PDE4D: variants seen among roughly 807,000 people sequenced by gnomAD.
PDE4D encodes the protein 3',5'-cyclic-AMP phosphodiesterase 4D.
In PDE4D, 24 loss-of-function variants were observed where a neutral mutation model predicts 87.4. The ratio of observed to expected loss-of-function variants is 0.27; its 90% CI spans 0.20 to 0.39. PDE4D has a LOEUF of 0.39. Ranked by LOEUF, PDE4D falls within the 10% of genes least tolerant of loss-of-function variation. The pLI is 1.00. For missense variants in PDE4D, 714 were observed against 1,041.0 expected (o/e 0.69, Z 4.32); for synonymous variants, 384 against 383.2 (o/e 1.00, Z -0.02).
Position 59,636,780 on chromosome 5 carries a change from A to C in PDE4D, c.455+256388T>G, listed in dbSNP as rs552477485. ...AAGATGGATTAAAGACTTAAACTTA[A>C]GACCTAAAACCATAAAAACCCTAGA... On this transcript the variant is annotated intron_variant, in intron 1 of 14. Transcript: ENST00000340635. 2.0e-4 allele frequency among the ~76,000 whole-genome samples: 30 copies of C among 152,372 alleles called. 1 individual carries two copies. In the South Asian group the frequency reaches 4.8e-3, roughly 24 times the overall value.
At chr5:59,633,073 G>A (rs180721802) in intron 1 of PDE4D, among the ~76,000 whole-genome samples, 77 of 152,230 alleles carry the variant, frequency 5.1e-4, no homozygotes, top group Non-Finnish European at 9.9e-4. Flanking sequence ...AACACAGCAC[G>A]AGAACATCGT....
intron 1 of PDE4D, among the ~76,000 whole-genome samples, chr5:59,579,973 T>C (rs946821865): frequency 6.6e-6 from 1 of 152,174 alleles, no homozygotes; most frequent in African/African-American, 2.4e-5. Flanking sequence ...TAAGTATAGG[T>C]CATTGTTCTA....
chr5:58,999,696 G>A lies in PDE4D; in HGVS notation c.922-6231C>T, dbSNP rs1334838636. On this transcript the variant is annotated intron_variant, in intron 6 of 14. Coordinates refer to ENST00000340635, the MANE Select transcript of PDE4D (RefSeq NM_001104631.2). The stretch of plus-strand genomic sequence containing the variant: ...AATTAAGTATACATAAGAAAGCCTC[G>A]CATTAAATCCCATCCAGCCGTCTTC... 4.6e-6 allele frequency: 5 copies of A among 1,086,286 alleles called. No individual in the cohort carries two copies. In the African/African-American group the frequency reaches 5.0e-5, roughly 11 times the overall value. The allele number at this position is 1,086,286 out of a possible 1,614,324, so 67.3% of individuals were successfully genotyped here. A position where few individuals can be genotyped will look rare whatever the true frequency, so the allele number is the denominator to read the frequency against.
chr5:59,185,162 A>C (rs1217671707), intron 4 of PDE4D, 27 bp downstream of exon 4: 2 of 1,578,616 alleles, frequency 1.3e-6, no homozygotes, highest in Non-Finnish European at 8.7e-7. Context: ...TTCAGCAAAA[A>C]AGAGGGGGGA....
At chr5:59,454,953 G>A (rs1011042347) in intron 1 of PDE4D, among the ~76,000 whole-genome samples, 156 of 152,300 alleles carry the variant, frequency 1.0e-3, no homozygotes, top group African/African-American at 3.7e-3. Context: ...AGGGTATTTG[G>A]TGGAAGAAAT....
chr5:60,382,364 G>T (rs1438742653), intron 1 of PDE4D, among the ~76,000 whole-genome samples: 2 of 152,060 alleles, frequency 1.3e-5, no homozygotes, highest in African/African-American at 2.4e-5. Flanking sequence ...TAACAATAAA[G>T]TCAGTCAAGG....
Position 59,561,280 on chromosome 5 carries a change from C to T in PDE4D, c.455+331888G>A, listed in dbSNP as rs140094333. 2.4e-3 allele frequency among the ~76,000 whole-genome samples: 368 copies of T among 152,180 alleles called. 5 individuals carry two copies. The highest frequency in any genetic ancestry group is 8.5e-3 in the African/African-American group (354 of 41,518). ...TTCTCAGATCCACAGTGGGGTCGTC[C>T]GTTATTGGAGTATTATTTTGCCTAC... is the stretch of plus-strand genomic sequence containing the variant. On this transcript the variant is annotated intron_variant, in intron 1 of 14. Coordinates refer to ENST00000340635, the MANE Select transcript of PDE4D (RefSeq NM_001104631.2).
chr5:59,646,796 G>A (rs1332248871), intron 1 of PDE4D, among the ~76,000 whole-genome samples: 1 of 152,146 alleles, frequency 6.6e-6, no homozygotes, highest in Non-Finnish European at 1.5e-5. Context: ...AGCACTTTGG[G>A]AGGCCAAGGC....
chr5:59,372,028 A>G (rs1378580552), intron 1 of PDE4D, among the ~76,000 whole-genome samples: 1 of 152,240 alleles, frequency 6.6e-6, no homozygotes, highest in Non-Finnish European at 1.5e-5. Context: ...CTTAGAAGAC[A>G]GACTCCAGGG....
intron 1 of PDE4D, among the ~76,000 whole-genome samples, chr5:59,352,441 A>G (rs1323439351): frequency 4.6e-5 from 7 of 152,166 alleles, no homozygotes; most frequent in Admixed American, 4.6e-4. Context: ...ATCCCAGTGT[A>G]TTGATTCACT....
intron 1 of PDE4D, among the ~76,000 whole-genome samples, chr5:59,424,647 C>T (rs1414716266): frequency 2.0e-5 from 3 of 152,118 alleles, no homozygotes; most frequent in African/African-American, 7.2e-5. Context: ...CTCACTATCA[C>T]GAGAGCAGCA....
chr5:60,135,012 C>T (rs1196992742), intron 2 of PDE4D, among the ~76,000 whole-genome samples: 1 of 152,188 alleles, frequency 6.6e-6, no homozygotes, highest in African/African-American at 2.4e-5. Context: ...TGACGAAACT[C>T]TTAACCACTG....
At chr5:59,276,788 T>G (rs966632426) in intron 1 of PDE4D, among the ~76,000 whole-genome samples, 1 of 152,084 alleles carries the variant, frequency 6.6e-6, no homozygotes. Context: ...CAGTAAGGAA[T>G]GAAGCTTTAT....
chr5:59,683,912 T>C (rs1490273758), intron 1 of PDE4D, among the ~76,000 whole-genome samples: 1 of 152,200 alleles, frequency 6.6e-6, no homozygotes. Flanking sequence ...CTGAATTGGA[T>C]TGGGCTCATA....
At chr5:59,604,916 C>T (rs1176731204) in intron 1 of PDE4D, among the ~76,000 whole-genome samples, 1 of 151,894 alleles carries the variant, frequency 6.6e-6, no homozygotes, top group Non-Finnish European at 1.5e-5. Flanking sequence ...AGAGTTTATC[C>T]TACAAAAATG....
At chr5:59,335,799 G>C (rs1777552888) in intron 1 of PDE4D, among the ~76,000 whole-genome samples, 1 of 152,056 alleles carries the variant, frequency 6.6e-6, no homozygotes, top group African/African-American at 2.4e-5. Flanking sequence ...AACAATCAGG[G>C]GCATTGTTCA....
intron 3 of PDE4D, among the ~76,000 whole-genome samples, chr5:59,916,421 C>CA (rs1172822894): frequency 6.6e-6 from 1 of 151,614 alleles, no homozygotes; most frequent in Non-Finnish European, 1.5e-5. Context: ...TCATGCAAAA[C>CA]AAAAAAAAGT....
At chr5:60,379,101 G>T (rs1342564150) in intron 1 of PDE4D, among the ~76,000 whole-genome samples, 2 of 151,306 alleles carry the variant, frequency 1.3e-5, no homozygotes, top group African/African-American at 2.4e-5. Context: ...CTTAACTATT[G>T]TGTGCCTGCT....
chr5:60,310,675 G>A (rs1217887771), intron 1 of PDE4D, among the ~76,000 whole-genome samples: 1 of 152,200 alleles, frequency 6.6e-6, no homozygotes, highest in Non-Finnish European at 1.5e-5. Context: ...ACATGCTCCT[G>A]AGAAATGGAT....
Sources: allele counts gnomAD v4.1 joint callset (sites outside exome capture counted in the v4.1 genomes callset), GRCh38; gene constraint gnomAD v4.1.1; transcripts MANE v1.5; gene names NCBI Gene and HGNC (gene_info 2026-07-23, HGNC 2026-07-21).